Variants in ARNT2 observed in about 807,000 individuals in gnomAD.
ARNT2 encodes the protein aryl hydrocarbon receptor nuclear translocator 2.
In ARNT2, 36 loss-of-function variants were observed where a neutral mutation model predicts 91.7. The observed-to-expected ratio is 0.39, with a 90% CI of 0.30 to 0.52. The LOEUF (loss-of-function observed/expected upper bound fraction) is 0.52, where lower values mean the gene tolerates loss of function less well. ARNT2 is among the 20% of genes least tolerant of loss of function. The pLI, the probability that ARNT2 is intolerant of heterozygous loss-of-function variation, is 0.72. For missense variants in ARNT2, 775 were observed against 939.3 expected, an observed-to-expected ratio of 0.83 and a Z score of 2.29; for synonymous variants, 365 against 347.1, an observed-to-expected ratio of 1.05 and a Z score of -0.57.
At chr15:80,439,474 G>A (rs1037124) in intron 1 of ARNT2, among the ~76,000 whole-genome samples, 35,424 of 152,034 alleles carry the variant, frequency 0.23, 4,899 homozygotes, top group African/African-American at 0.39. Context: ...ACTTTGATGG[G>A]TCCCTGATAA....
chr15:80,597,099 T>G lies in ARNT2; in HGVS notation c.*3401T>G, dbSNP rs1893385805. The G allele has an allele frequency of 1.9e-6, 1 of 516,880 alleles. No individual in the cohort carries two copies. Among genetic ancestry groups the G allele is most frequent in the Non-Finnish European group, 3.9e-6 (1 of 258,520 alleles). The allele number at this position is 516,880 out of a possible 1,614,324, so 32.0% of individuals were successfully genotyped here. A position where few individuals can be genotyped will look rare whatever the true frequency, so the allele number is the denominator to read the frequency against. ...AACTTACACTGGGGAGCTTTACTCT[T>G]CCGTGTCAACAATGTGACTACATGT... On this transcript the variant is annotated 3_prime_UTR_variant, in exon 19 of 19. Coordinates refer to ENST00000303329, the MANE Select transcript of ARNT2 (RefSeq NM_014862.4).
intron 17 of ARNT2, among the ~76,000 whole-genome samples, chr15:80,585,632 C>T (rs1347264914): frequency 6.6e-6 from 1 of 152,174 alleles, no homozygotes; most frequent in Non-Finnish European, 1.5e-5. Context: ...GTAAAAGCAG[C>T]CTGCCCACTG....
At chr15:80,580,662 A>G in intron 16 of ARNT2, 113 bp downstream of exon 16, 1 of 1,377,082 alleles carries the variant, frequency 7.3e-7, no homozygotes, top group Non-Finnish European at 1.0e-6. Flanking sequence ...AGCTGGAACC[A>G]ACCACCCTAA....
At position 80,410,870 on chromosome 15, in the gene ARNT2, T is replaced by C. The variant is rs559449468; in HGVS notation, c.31+6324T>C. The stretch of plus-strand genomic sequence containing the variant: ...CTCTCTCTCTCTCTCTCTTTCTCTT[T>C]CCCTCCTTTTGTGGGGCAGGTCAGG... On this transcript the variant is annotated intron_variant, in intron 1 of 18. Transcript: ENST00000303329. Among the ~76,000 whole-genome samples, 49 of 152,078 alleles carry C rather than the reference T, an allele frequency of 3.2e-4. 1 individual carries two copies. Among genetic ancestry groups the C allele is most frequent in the African/African-American group, 1.1e-3 (44 of 41,472 alleles).
At chr15:80,480,700 A>G (rs1331488672) in intron 5 of ARNT2, among the ~76,000 whole-genome samples, 1 of 152,094 alleles carries the variant, frequency 6.6e-6, no homozygotes, top group East Asian at 1.9e-4. Context: ...GCTGTCCAAC[A>G]GCAGAAGAGG....
chr15:80,508,291 G>A, intron 6 of ARNT2, 33 bp downstream of exon 6: 1 of 1,608,170 alleles, frequency 6.2e-7, no homozygotes, highest in Non-Finnish European at 8.5e-7. Flanking sequence ...GCCATCAGGT[G>A]GTTGGTTTGC....
In ARNT2 at chr15:80,404,614, A is replaced by C. The variant is rs1000450855; in HGVS notation, c.31+68A>C. ...GCCTTGCCCGGGGCCGGAGCGGACC[A>C]GGCGCGCCGGGCGCCCCCGGGGGCG... is the stretch of plus-strand genomic sequence containing the variant. On this transcript the variant is annotated intron_variant, in intron 1 of 18. Transcript: ENST00000303329. This position sits in a 1 kb window ranked among gnomAD's most constrained non-coding sequence, Gnocchi z 5.5. 8 of 998,430 alleles carry C rather than the reference A, an allele frequency of 8.0e-6. No homozygotes were observed. In the African/African-American group the frequency reaches 1.4e-4, roughly 18 times the overall value. The allele number at this position is 998,430 out of a possible 1,614,324, so 61.8% of individuals were successfully genotyped here. A position where few individuals can be genotyped will look rare whatever the true frequency, so the allele number is the denominator to read the frequency against.
At chr15:80,548,024 C>T (rs546940721) in intron 8 of ARNT2, among the ~76,000 whole-genome samples, 1 of 152,040 alleles carries the variant, frequency 6.6e-6, no homozygotes, top group Admixed American at 6.5e-5. Flanking sequence ...TTACAATTAG[C>T]CTTTAAGAAA....
At chr15:80,512,402 C>T (rs1231471886) in intron 6 of ARNT2, among the ~76,000 whole-genome samples, 2 of 152,232 alleles carry the variant, frequency 1.3e-5, no homozygotes. Context: ...TCCTCTTCAC[C>T]ACCTGCCTCA....
At chr15:80,472,403 G>T (rs1896744408) in intron 4 of ARNT2, among the ~76,000 whole-genome samples, 1 of 152,162 alleles carries the variant, frequency 6.6e-6, no homozygotes, top group South Asian at 2.1e-4. Context: ...GAATGAAAAA[G>T]ATTTTGTTGG....
intron 12 of ARNT2, among the ~76,000 whole-genome samples, chr15:80,570,855 T>A (rs934571377): frequency 2.0e-5 from 3 of 150,528 alleles, no homozygotes; most frequent in African/African-American, 7.5e-5. Flanking sequence ...GCAAAAGAGT[T>A]CCGTACAGTT....
intron 1 of ARNT2, among the ~76,000 whole-genome samples, chr15:80,407,048 G>A (rs1296987597): frequency 6.6e-6 from 1 of 152,140 alleles, no homozygotes; most frequent in Non-Finnish European, 1.5e-5. Context: ...TACCTCACAT[G>A]GGCTTGTGAG....
chr15:80,470,821 C>T (rs1437768431), intron 4 of ARNT2, among the ~76,000 whole-genome samples: 1 of 152,212 alleles, frequency 6.6e-6, no homozygotes, highest in Non-Finnish European at 1.5e-5. Flanking sequence ...ATCAAAACCA[C>T]TATGAGATAC....
chr15:80,547,658 A>G (rs1238750159), intron 8 of ARNT2, among the ~76,000 whole-genome samples: 1 of 152,254 alleles, frequency 6.6e-6, no homozygotes, highest in Non-Finnish European at 1.5e-5. Context: ...AACAATTGAC[A>G]GTATTTGTTG....
chr15:80,540,651 C>T (rs1296219135), intron 8 of ARNT2, among the ~76,000 whole-genome samples: 1 of 152,056 alleles, frequency 6.6e-6, no homozygotes, highest in Non-Finnish European at 1.5e-5. Flanking sequence ...TGCCCTCCTC[C>T]TTCCCCCATC....
At chr15:80,588,298 C>G (rs1596027499) in intron 17 of ARNT2, among the ~76,000 whole-genome samples, 1 of 152,298 alleles carries the variant, frequency 6.6e-6, no homozygotes, top group East Asian at 1.9e-4. Flanking sequence ...TGCTCTCCAG[C>G]TGGCTTTTGT....
chr15:80,483,950 C>CA (rs997354538), intron 5 of ARNT2, among the ~76,000 whole-genome samples: 1 of 152,206 alleles, frequency 6.6e-6, no homozygotes, highest in Non-Finnish European at 1.5e-5. Context: ...ATTGATCCCA[C>CA]AGGGGTCCTG....
rs1893285249 is a variant in ARNT2, at chr15:80,591,812, T to A, written c.2055+108T>A. 6.5e-7 allele frequency: 1 copy of A among 1,533,492 alleles called. No individual in the cohort carries two copies. The highest frequency in any genetic ancestry group is 1.9e-5 in the Admixed American group (1 of 52,740). 95.0% of individuals were successfully genotyped at this position (1,533,492 alleles called of 1,614,324 possible). Reference sequence around the variant, plus strand: ...CGCCTGCCCGATAGCCGTCGTGAGTTCTGGCCCAGCCTGGGCTCGAGGGAG... The same window carrying A: ...CGCCTGCCCGATAGCCGTCGTGAGTACTGGCCCAGCCTGGGCTCGAGGGAG... On this transcript the variant is annotated intron_variant, in intron 18 of 18. Transcript: ENST00000303329. The surrounding 1 kb of genome is among the most constrained non-coding windows in gnomAD (Gnocchi z 5.1).
At position 80,463,748 on chromosome 15, in the gene ARNT2, T is replaced by A. The variant is rs28622188; in HGVS notation, c.194+5772T>A. Among the ~76,000 whole-genome samples the A allele has an allele frequency of 7.2e-3, 1,093 of 152,078 alleles. 15 individuals are homozygous for A. The highest frequency in any genetic ancestry group is 0.025 in the African/African-American group (1,057 of 41,474). ...TGTGCACCACCGCGCCCGGCTAATT[T>A]TTTGTATTTTTTGTAGAGACAGGGT... On this transcript the variant is annotated intron_variant, in intron 3 of 18. Transcript: ENST00000303329.
Sources: gnomAD v4.1 joint callset for allele counts (sites outside exome capture counted in the v4.1 genomes callset) on GRCh38, gnomAD v4.1.1 for gene constraint, Gnocchi (gnomAD v3.1) non-coding constraint, MANE v1.5 for transcripts, NCBI Gene and HGNC (gene_info 2026-07-23, HGNC 2026-07-21) for gene names.